LMBRD2: variants seen among roughly 807,000 people sequenced by gnomAD.
LMBRD2 encodes the protein G protein-coupled receptor-associated protein LMBRD2.
In LMBRD2, 55 loss-of-function variants were observed where a neutral mutation model predicts 94.4. The observed-to-expected ratio is 0.58, with a 90% confidence interval of 0.47 to 0.73. LMBRD2 has a LOEUF of 0.73. Ranked by LOEUF, LMBRD2 falls within the 30% of genes least tolerant of loss-of-function variation. The pLI is 0.00. For synonymous variants in LMBRD2, 246 were observed against 272.4 expected, an observed-to-expected ratio of 0.90 and a Z score of 0.95; for missense variants, 640 against 831.9, an observed-to-expected ratio of 0.77 and a Z score of 2.84.
At chr5:36,134,228 C>T (rs2111895790) in intron 6 of LMBRD2, among the ~76,000 whole-genome samples, 1 of 152,212 alleles carries the variant, frequency 6.6e-6, no homozygotes, top group African/African-American at 2.4e-5. Flanking sequence ...CTCACTCCTA[C>T]ATTTAAATCA....
At chr5:36,139,030 C>G (rs564413341) in intron 4 of LMBRD2, among the ~76,000 whole-genome samples, 5 of 152,172 alleles carry the variant, frequency 3.3e-5, no homozygotes, top group African/African-American at 9.6e-5. Context: ...AGCCCCACCC[C>G]CTTCCGAGTT....
At chr5:36,114,337 C>T (rs1297911545) in intron 13 of LMBRD2, 87 bp downstream of exon 13, 1 of 1,436,034 alleles carries the variant, frequency 7.0e-7, no homozygotes, top group East Asian at 2.8e-5. Context: ...CAAACTGAAA[C>T]TCAATCAGTA....
chr5:36,119,395 T>C (rs771394681), intron 9 of LMBRD2, among the ~76,000 whole-genome samples: 1 of 105,202 alleles, frequency 9.5e-6, no homozygotes, highest in African/African-American at 3.8e-5. Context: ...GGATGAAAAA[T>C]CAATTTATTC....
intron 6 of LMBRD2, among the ~76,000 whole-genome samples, chr5:36,128,357 G>A (rs1429290656): frequency 1.3e-5 from 2 of 152,182 alleles, no homozygotes; most frequent in East Asian, 1.9e-4. Flanking sequence ...ACTTTTCAAT[G>A]TCCAGACACC....
chr5:36,116,439 T>A (rs768694795), intron 11 of LMBRD2, 21 bp downstream of exon 11: 4 of 1,607,880 alleles, frequency 2.5e-6, no homozygotes, highest in Non-Finnish European at 3.4e-6. Context: ...TTCTCTTGTT[T>A]CTAAACATAA....
chr5:36,146,316 G>GT (rs917199728), intron 1 of LMBRD2, among the ~76,000 whole-genome samples: 2 of 152,184 alleles, frequency 1.3e-5, no homozygotes, highest in Non-Finnish European at 2.9e-5. Context: ...GGTCACACAA[G>GT]TTTAAAATCA....
At chr5:36,107,227 T>TC (rs1335708566) in intron 16 of LMBRD2, among the ~76,000 whole-genome samples, 1 of 152,176 alleles carries the variant, frequency 6.6e-6, no homozygotes, top group African/African-American at 2.4e-5. Flanking sequence ...CTGGTGAAAT[T>TC]CCCCCCTATC....
intron 16 of LMBRD2, among the ~76,000 whole-genome samples, chr5:36,106,466 G>A (rs1274350771): frequency 6.8e-6 from 1 of 147,926 alleles, no homozygotes; most frequent in South Asian, 2.2e-4. Context: ...TTCCCAGATT[G>A]AAATCTTACC....
chr5:36,117,616 A>G, intron 10 of LMBRD2, 119 bp downstream of exon 10: 1 of 610,630 alleles, frequency 1.6e-6, no homozygotes, highest in Non-Finnish European at 2.6e-6. Flanking sequence ...AAGTTTGAAT[A>G]ACAACACTGC....
chr5:36,120,999 C>A (rs1003145231), intron 9 of LMBRD2, among the ~76,000 whole-genome samples: 1 of 144,508 alleles, frequency 6.9e-6, no homozygotes, highest in East Asian at 1.9e-4. Context: ...TCAATTACTT[C>A]TTTATTGATT....
intron 1 of LMBRD2, among the ~76,000 whole-genome samples, chr5:36,145,237 G>A (rs1336975820): frequency 6.6e-6 from 1 of 152,050 alleles, no homozygotes; most frequent in African/African-American, 2.4e-5. Flanking sequence ...TATTACTGAC[G>A]ACTTCAAAGG....
rs780580127 is a variant in LMBRD2 at position 36,116,507 on chromosome 5, C to T, written c.1389G>A (p.Leu463=). Residue 463 remains leucine, a synonymous_variant, in exon 11 of 18, where the codon TTG becomes TTA. Transcript: ENST00000296603. ...AAGCATCAGTCTGGTGATGTGAGGC[C>T]AAATAATAATAGTTAAATACACGAA... is the stretch of plus-strand genomic sequence containing the variant. ...FRIRVFNYYY[L]ASHHQTDAYS... is the part of the protein sequence containing the mutation. 6.2e-7 allele frequency: 1 copy of T among 1,612,710 alleles called. No homozygotes were observed. Among genetic ancestry groups the T allele is most frequent in the Non-Finnish European group, 8.5e-7 (1 of 1,179,000 alleles).
Position 36,118,689 on chromosome 5 carries a change from C to A in LMBRD2, c.1121-773G>T, listed in dbSNP as rs1412089162. Reference sequence around the variant, plus strand: ...TTTTTGAGATGGAGTCTCGCTCTGTCGCCCAGGCTGGAGTGCAGTGGCATG... The same window carrying A: ...TTTTTGAGATGGAGTCTCGCTCTGTAGCCCAGGCTGGAGTGCAGTGGCATG... On this transcript the variant is annotated intron_variant, in intron 9 of 17. Transcript: ENST00000296603. Among the ~76,000 whole-genome samples, 15 of 146,886 alleles carry A rather than the reference C, an allele frequency of 1.0e-4. No homozygotes were observed. In the South Asian group the frequency reaches 1.5e-3, roughly 15 times the overall value.
chr5:36,120,067 CT>C (rs1166616874), intron 9 of LMBRD2, among the ~76,000 whole-genome samples: 2,590 of 140,496 alleles, frequency 0.018, 57 homozygotes, highest in African/African-American at 0.059. Flanking sequence ...CTCTTTATTT[CT>C]TTTTTTTTTT....
Position 36,103,932 on chromosome 5 carries a change from G to C in LMBRD2, c.*114C>G, listed in dbSNP as rs1195590322. 4.4e-6 allele frequency: 3 copies of C among 679,012 alleles called. No homozygotes were observed. The East Asian group carries it at 8.5e-5, about 19-fold the overall frequency. The allele number at this position is 679,012 out of a possible 1,614,324, so 42.1% of individuals were successfully genotyped here. ...ATAATTAATTCTCAGTGCCTTTTTT[G>C]TTATCTTGACACTTTTCACTGTGTA... On this transcript the variant is annotated 3_prime_UTR_variant, in exon 18 of 18. Coordinates refer to ENST00000296603, the MANE Select transcript of LMBRD2 (RefSeq NM_001007527.2).
In LMBRD2 at chr5:36,117,843, C is replaced by A. The variant is rs753461161; in HGVS notation, c.1194G>T (p.Val398=). 1 of 1,613,916 alleles carries A rather than the reference C, an allele frequency of 6.2e-7. No homozygotes were observed. The highest frequency in any genetic ancestry group is 8.5e-7 in the Non-Finnish European group (1 of 1,179,836). ...ATGTGCACTCTGACCACACAACAAT[C>A]ACAGAGAAGATGGACAGAACCACAG... ...ILAVVLSIFS[V]IVVWSECTFF... Residue 398 remains valine, a synonymous_variant, in exon 10 of 18, where the codon GTG becomes GTT. Transcript: ENST00000296603.
At position 36,122,918 on chromosome 5, in the gene LMBRD2, T is replaced by A; in HGVS notation, c.866A>T (p.Asp289Val). The change falls in exon 8 of 18, where the codon GAT (aspartate) becomes GTT (valine). Residue 289 changes from aspartate (D) to valine (V), a missense_variant. Physicochemically the swap from Asp to Val is radical, Grantham distance 152. Coordinates refer to ENST00000296603, the MANE Select transcript of LMBRD2 (RefSeq NM_001007527.2). ...ATGCTTTTCATCAAAATCTTCATAA[T>A]CATCCATGTTCCTACCCATTTTTTC... ...YQEKMGRNMD[D>V]YEDFDEKHSI... 1 of 1,575,624 alleles carries A rather than the reference T, an allele frequency of 6.3e-7. No individual in the cohort carries two copies. The highest frequency in any genetic ancestry group is 8.6e-7 in the Non-Finnish European group (1 of 1,167,130).
intron 1 of LMBRD2, 54 bp from the exon 2 acceptor site, chr5:36,143,460 G>A: frequency 1.4e-6 from 1 of 698,702 alleles, no homozygotes; most frequent in South Asian, 2.5e-5. Context: ...AATGACATTT[G>A]GAAATTTCAT....
chr5:36,150,782 T>A (rs1044630057), intron 1 of LMBRD2, among the ~76,000 whole-genome samples: 4 of 152,206 alleles, frequency 2.6e-5, no homozygotes, highest in Non-Finnish European at 5.9e-5. Context: ...TAAAGGTTCA[T>A]GAATTCCTTC....
Sources: gnomAD v4.1 joint callset for allele counts (sites outside exome capture counted in the v4.1 genomes callset) on GRCh38, gnomAD v4.1.1 for gene constraint, MANE v1.5 for transcripts, NCBI Gene and HGNC (gene_info 2026-07-23, HGNC 2026-07-21) for gene names.